DOK5: variants seen among roughly 807,000 people sequenced by gnomAD.
The protein encoded by DOK5 is downstream of tyrosine kinase 5.
A neutral mutation model predicts 43.3 loss-of-function variants in DOK5; 27 were observed. The ratio of observed to expected loss-of-function variants is 0.62; its 90% CI spans 0.46 to 0.86. DOK5 has a LOEUF of 0.86. Ranked by LOEUF, DOK5 falls within the 40% of genes least tolerant of loss-of-function variation. DOK5 has a pLI of 0.00. For missense variants in DOK5, 373 were observed against 392.9 expected (o/e 0.95, Z 0.43); for synonymous variants, 146 against 140.1 (o/e 1.04, Z -0.30).
intron 6 of DOK5, among the ~76,000 whole-genome samples, chr20:54,624,884 A>C (rs1194337135): frequency 1.3e-5 from 2 of 152,068 alleles, no homozygotes; most frequent in African/African-American, 4.8e-5. Flanking sequence ...TGCTTTGTCA[A>C]AGCTGTAAGC....
intron 2 of DOK5, among the ~76,000 whole-genome samples, chr20:54,586,530 C>T (rs537510468): frequency 6.6e-6 from 1 of 152,246 alleles, no homozygotes; most frequent in South Asian, 2.1e-4. Context: ...ACTCAGGGAG[C>T]ACAATGATGA....
At chr20:54,514,197 A>T (rs965290261) in intron 1 of DOK5, among the ~76,000 whole-genome samples, 4 of 152,184 alleles carry the variant, frequency 2.6e-5, no homozygotes, top group African/African-American at 7.2e-5. Context: ...CTCCCCTGGG[A>T]TGTCACATCT....
At chr20:54,529,990 GTTAAA>G (rs1304955169) in intron 1 of DOK5, among the ~76,000 whole-genome samples, 2 of 152,166 alleles carry the variant, frequency 1.3e-5, no homozygotes, top group East Asian at 3.8e-4. Context: ...ATTTGGGTTT[GTTAAA>G]TTAAGTTTAG....
intron 1 of DOK5, among the ~76,000 whole-genome samples, chr20:54,481,009 C>CATCT (rs1194246431): frequency 3.0e-5 from 4 of 132,830 alleles, no homozygotes; most frequent in African/African-American, 3.1e-5. Flanking sequence ...TATCATCTAT[C>CATCT]ATCTATCTAT....
intron 2 of DOK5, among the ~76,000 whole-genome samples, chr20:54,584,587 C>T (rs937242105): frequency 2.0e-5 from 3 of 150,446 alleles, no homozygotes; most frequent in Non-Finnish European, 3.0e-5. Context: ...ATACAATATT[C>T]GTAACATTAC....
At chr20:54,624,385 G>C (rs1987075634) in intron 6 of DOK5, among the ~76,000 whole-genome samples, 1 of 152,110 alleles carries the variant, frequency 6.6e-6, no homozygotes, top group South Asian at 2.1e-4. Context: ...AGCTCCATTC[G>C]AGCCTGTAAA....
intron 1 of DOK5, among the ~76,000 whole-genome samples, chr20:54,508,185 T>C (rs1395751528): frequency 2.0e-5 from 3 of 152,128 alleles, no homozygotes; most frequent in Non-Finnish European, 1.5e-5. Flanking sequence ...ATACAATGCA[T>C]GCAATTAAAA....
chr20:54,484,975 A>G (rs2146660504), intron 1 of DOK5, among the ~76,000 whole-genome samples: 1 of 152,324 alleles, frequency 6.6e-6, no homozygotes, highest in South Asian at 2.1e-4. Flanking sequence ...CTCTGATCAT[A>G]CTACTATACT....
chr20:54,563,762 CGA>C (rs576871118), intron 2 of DOK5, among the ~76,000 whole-genome samples: 102 of 144,284 alleles, frequency 7.1e-4, no homozygotes, highest in African/African-American at 2.5e-3. Context: ...TCCATTGTTT[CGA>C]GAGAAACTGG....
chr20:54,637,299 C>A (rs1454657309), intron 6 of DOK5, among the ~76,000 whole-genome samples: 1 of 152,190 alleles, frequency 6.6e-6, no homozygotes, highest in Non-Finnish European at 1.5e-5. Context: ...CTCACTTAGG[C>A]CAGGTTAGGA....
At chr20:54,516,457 A>G (rs1391086261) in intron 1 of DOK5, among the ~76,000 whole-genome samples, 1 of 152,196 alleles carries the variant, frequency 6.6e-6, no homozygotes, top group African/African-American at 2.4e-5. Flanking sequence ...AGAGAAGAAA[A>G]TAATTTAAAT....
intron 6 of DOK5, among the ~76,000 whole-genome samples, chr20:54,640,550 CT>C (rs1193856617): frequency 6.6e-6 from 1 of 152,198 alleles, no homozygotes; most frequent in African/African-American, 2.4e-5. Context: ...TAAAATGCTT[CT>C]TTCATAAAAT....
chr20:54,486,674 G>A (rs971238284), intron 1 of DOK5, among the ~76,000 whole-genome samples: 4 of 151,972 alleles, frequency 2.6e-5, no homozygotes, highest in Non-Finnish European at 4.4e-5. Flanking sequence ...CAGCTTGGCC[G>A]CTTATTGGCT....
intron 1 of DOK5, among the ~76,000 whole-genome samples, chr20:54,504,383 CA>C (rs1982728828): frequency 1.3e-5 from 2 of 152,316 alleles, no homozygotes; most frequent in South Asian, 4.1e-4. Flanking sequence ...CAATATTAGA[CA>C]CATTGTTCAA....
chr20:54,570,831 G>C (rs1985260316), intron 2 of DOK5, among the ~76,000 whole-genome samples: 2 of 152,136 alleles, frequency 1.3e-5, no homozygotes, highest in African/African-American at 2.4e-5. Flanking sequence ...TTCCCGTCTA[G>C]TTACAAAATA....
intron 6 of DOK5, among the ~76,000 whole-genome samples, chr20:54,634,437 CTTTTTTTT>C (rs11470013): frequency 1.1e-5 from 1 of 90,414 alleles, no homozygotes; most frequent in African/African-American, 5.8e-5. Flanking sequence ...TCATATCATG[CTTTTTTTT>C]TTTTTTTTTT....
chr20:54,590,099 A>G (rs1985932832), intron 4 of DOK5, among the ~76,000 whole-genome samples: 1 of 152,140 alleles, frequency 6.6e-6, no homozygotes, highest in South Asian at 2.1e-4. Context: ...CACTTTTCAC[A>G]AATTTGTATT....
chr20:54,593,059 A>C (rs1986031333), intron 5 of DOK5, among the ~76,000 whole-genome samples: 1 of 152,178 alleles, frequency 6.6e-6, no homozygotes, highest in Non-Finnish European at 1.5e-5. Flanking sequence ...GGATAACAGT[A>C]GTGGTCCCCT....
chr20:54,540,998 A>G (rs6098059), intron 1 of DOK5, among the ~76,000 whole-genome samples: 3,721 of 152,282 alleles, frequency 0.024, 148 homozygotes, highest in African/African-American at 0.085. Context: ...AGGCTTAGAT[A>G]TTTAATAGGT....
Sources: gnomAD v4.1 joint callset for allele counts (sites outside exome capture counted in the v4.1 genomes callset) on GRCh38, gnomAD v4.1.1 for gene constraint, MANE v1.5 for transcripts, NCBI Gene and HGNC (gene_info 2026-07-23, HGNC 2026-07-21) for gene names.